The following ALDH1A2 variants were observed in gnomAD, a reference collection of about 807,000 sequenced individuals.
The protein encoded by ALDH1A2 is retinal dehydrogenase 2.
ALDH1A2 carries 27 observed loss-of-function variants against 60.3 expected under a neutral mutation model. The ratio of observed to expected loss-of-function variants is 0.45; its 90% CI spans 0.33 to 0.62. ALDH1A2 has a LOEUF of 0.62. ALDH1A2 is among the 20% of genes least tolerant of loss of function. The probability of loss-of-function intolerance (pLI) is 0.02; values close to 1 mark genes in which losing one functional copy is unlikely to be tolerated. For synonymous variants in ALDH1A2, 289 were observed against 232.4 expected (o/e 1.24, Z -2.21); for missense variants, 581 against 643.8 (o/e 0.90, Z 1.06).
chr15:57,984,871 T>G (rs1226263850), intron 7 of ALDH1A2, among the ~76,000 whole-genome samples: 5 of 152,222 alleles, frequency 3.3e-5, no homozygotes, highest in African/African-American at 9.7e-5. Flanking sequence ...GTTTCTTCTG[T>G]GATGATCACC....
rs1410257317 is a variant in ALDH1A2 at position 58,022,405 on chromosome 15, C to A, written c.118-8124G>T. Reference sequence around the variant, plus strand: ...AGCACATCACAGCCACTCCCAATATCCATGCACACTACTCAGGATGCAGAG... The same window carrying A: ...AGCACATCACAGCCACTCCCAATATACATGCACACTACTCAGGATGCAGAG... On this transcript the variant is annotated intron_variant, in intron 1 of 12. Coordinates refer to ENST00000249750, the MANE Select transcript of ALDH1A2 (RefSeq NM_003888.4). Among the ~76,000 whole-genome samples the A allele has an allele frequency of 3.9e-5, 6 of 152,262 alleles. No individual in the cohort carries two copies. In the East Asian group the frequency reaches 9.6e-4, roughly 24 times the overall value.
intron 6 of ALDH1A2, 21 bp from the exon 7 acceptor site, chr15:57,992,839 G>A: frequency 1.2e-6 from 2 of 1,613,956 alleles, no homozygotes; most frequent in African/African-American, 1.3e-5. Flanking sequence ...AGAACAGGAG[G>A]AAACGTGGCT....
At chr15:57,963,193 C>G (rs1448026434) in intron 9 of ALDH1A2, among the ~76,000 whole-genome samples, 3 of 152,142 alleles carry the variant, frequency 2.0e-5, no homozygotes, top group Non-Finnish European at 4.4e-5. Context: ...AGAAAGATAT[C>G]TACCCTCCTT....
intron 1 of ALDH1A2, among the ~76,000 whole-genome samples, chr15:58,031,830 G>A (rs1391633950): frequency 6.6e-6 from 1 of 152,140 alleles, no homozygotes; most frequent in Non-Finnish European, 1.5e-5. Context: ...AGTTAGAATG[G>A]CGATGATTAA....
rs1309973417 is a variant in ALDH1A2, at chr15:58,010,822, C to A, written c.364-44G>T. ...AGAGATACTAAGTCCCCAGAACTTT[C>A]CAGCGATACACTAATTTCTAGAGCA... On this transcript the variant is annotated intron_variant, in intron 3 of 12. Coordinates refer to ENST00000249750, the MANE Select transcript of ALDH1A2 (RefSeq NM_003888.4). The A allele has an allele frequency of 4.4e-6, 7 of 1,609,046 alleles. No homozygotes were observed. In the South Asian group the frequency reaches 7.7e-5, roughly 18 times the overall value.
At chr15:57,970,130 C>G (rs144919875) in intron 7 of ALDH1A2, among the ~76,000 whole-genome samples, 1 of 152,350 alleles carries the variant, frequency 6.6e-6, no homozygotes, top group African/African-American at 2.4e-5. Flanking sequence ...TTGTGTTTTT[C>G]TTGCCTTATG....
chr15:57,976,430 C>G (rs897272860), intron 7 of ALDH1A2, among the ~76,000 whole-genome samples: 3 of 152,136 alleles, frequency 2.0e-5, no homozygotes, highest in Admixed American at 6.5e-5. Context: ...TCCCCTAGCC[C>G]GACAGGCCCC....
chr15:58,025,352 T>A (rs1480677929), intron 1 of ALDH1A2, among the ~76,000 whole-genome samples: 1 of 152,018 alleles, frequency 6.6e-6, no homozygotes, highest in Non-Finnish European at 1.5e-5. Flanking sequence ...AACAGAGACA[T>A]TACAATGGAT....
intron 1 of ALDH1A2, among the ~76,000 whole-genome samples, chr15:58,020,805 A>G (rs1290125025): frequency 6.6e-6 from 1 of 152,166 alleles, no homozygotes; most frequent in African/African-American, 2.4e-5. Context: ...GATTGTCATT[A>G]ACGTTTTATG....
At chr15:57,961,104 T>C (rs1281786531) in intron 11 of ALDH1A2, 33 bp downstream of exon 11, 1 of 1,612,204 alleles carries the variant, frequency 6.2e-7, no homozygotes, top group Non-Finnish European at 8.5e-7. Flanking sequence ...ATACCACCAG[T>C]GGAATTTGTT....
At chr15:58,007,244 G>C (rs1428986440) in intron 4 of ALDH1A2, among the ~76,000 whole-genome samples, 1 of 151,966 alleles carries the variant, frequency 6.6e-6, no homozygotes, top group Non-Finnish European at 1.5e-5. Context: ...AGGAGCAATA[G>C]TTCCATATTT....
chr15:58,017,476 C>A (rs1895818583), intron 1 of ALDH1A2, among the ~76,000 whole-genome samples: 1 of 152,156 alleles, frequency 6.6e-6, no homozygotes, highest in South Asian at 2.1e-4. Context: ...TGGCCACCTT[C>A]TTTTCTACAA....
chr15:57,964,870 AT>A (rs1377097590), intron 8 of ALDH1A2: 2 of 152,234 alleles, frequency 1.3e-5, no homozygotes, highest in African/African-American at 4.8e-5. Flanking sequence ...AAGGATTCTG[AT>A]TTTCTTGACA....
intron 9 of ALDH1A2, 78 bp from the exon 10 acceptor site, chr15:57,962,254 C>G: frequency 6.5e-7 from 1 of 1,549,760 alleles, no homozygotes; most frequent in African/African-American, 1.4e-5. Context: ...GAGAATCTTT[C>G]ATTTTAGGGT....
intron 1 of ALDH1A2, among the ~76,000 whole-genome samples, chr15:58,031,973 A>C (rs1487416578): frequency 2.6e-5 from 4 of 152,230 alleles, no homozygotes; most frequent in African/African-American, 9.6e-5. Context: ...TAGAACTAGA[A>C]ATACCATTTG....
chr15:57,990,788 A>G (rs144273677), intron 7 of ALDH1A2, among the ~76,000 whole-genome samples: 142 of 151,002 alleles, frequency 9.4e-4, no homozygotes, highest in African/African-American at 3.3e-3. Context: ...AGGCAGGAGA[A>G]TCGCTTGAAC....
chr15:58,002,621 T>C (rs1895311994), intron 4 of ALDH1A2, among the ~76,000 whole-genome samples: 2 of 151,900 alleles, frequency 1.3e-5, no homozygotes, highest in African/African-American at 4.8e-5. Flanking sequence ...TTGTCAAATA[T>C]GGAAGTCAAA....
chr15:57,984,766 T>G (rs1387721276), intron 7 of ALDH1A2, among the ~76,000 whole-genome samples: 1 of 152,214 alleles, frequency 6.6e-6, no homozygotes, highest in Non-Finnish European at 1.5e-5. Flanking sequence ...TATCATTTAA[T>G]GGACATTTGA....
intron 3 of ALDH1A2, among the ~76,000 whole-genome samples, chr15:58,011,217 G>C (rs188264637): frequency 1.1e-4 from 17 of 152,104 alleles, no homozygotes; most frequent in Non-Finnish European, 2.2e-4. Context: ...CAGCTGCCAA[G>C]ACCCCTGCTG....
Sources: gnomAD v4.1 joint callset for allele counts (sites outside exome capture counted in the v4.1 genomes callset) on GRCh38, gnomAD v4.1.1 for gene constraint, MANE v1.5 for transcripts, NCBI Gene and HGNC (gene_info 2026-07-23, HGNC 2026-07-21) for gene names.